Variants in CSMD2 observed in about 807,000 individuals in gnomAD.
CSMD2 encodes CUB and Sushi multiple domains 2.
Under a neutral mutation model 398.5 loss-of-function variants are expected in CSMD2, and 130 were observed. The observed-to-expected ratio is 0.33, with a 90% CI of 0.28 to 0.38. The LOEUF is 0.38. Ranked by LOEUF, CSMD2 falls within the 10% of genes least tolerant of loss-of-function variation. CSMD2 has a pLI of 1.00. For missense variants in CSMD2, 3,829 were observed against 4,764.9 expected, an observed-to-expected ratio of 0.80 and a Z score of 5.78; for synonymous variants, 1,828 against 1,908.5, an observed-to-expected ratio of 0.96 and a Z score of 1.10.
In CSMD2 at chr1:33,592,529, C is replaced by T. The variant is rs1263548131; in HGVS notation, c.6857-5361G>A. ...AAGAGAACATTATGAGTGGCACAGG[C>T]ACCACAAAGTGATTGGAATGTGTAG... On this transcript the variant is annotated intron_variant, in intron 44 of 70. Transcript: ENST00000373381. 7 of 717,000 alleles carry T rather than the reference C, an allele frequency of 9.8e-6. No homozygotes were observed. In the East Asian group the frequency reaches 1.6e-4, roughly 16 times the overall value. 44.4% of individuals were successfully genotyped at this position (717,000 alleles called of 1,614,324 possible).
At chr1:34,055,482 C>T (rs1469728986) in intron 2 of CSMD2, among the ~76,000 whole-genome samples, 4 of 152,200 alleles carry the variant, frequency 2.6e-5, no homozygotes, top group African/African-American at 7.2e-5. Flanking sequence ...TTCTGACCAA[C>T]TGGCTGTAAA....
At chr1:33,655,132 G>A (rs779972774) in intron 27 of CSMD2, among the ~76,000 whole-genome samples, 1 of 152,242 alleles carries the variant, frequency 6.6e-6, no homozygotes. Context: ...CCAGATGGGA[G>A]TGGGTGCAAG....
intron 3 of CSMD2, among the ~76,000 whole-genome samples, chr1:33,962,590 A>G (rs1645402612): frequency 6.6e-6 from 1 of 152,146 alleles, no homozygotes; most frequent in Non-Finnish European, 1.5e-5. Flanking sequence ...AGGAAATGCC[A>G]GGTCCTTCCA....
rs143156287 is a variant in CSMD2 at position 33,697,144 on chromosome 1, C to A, written c.3925+1609G>T. ...ATATTTGATATTCAAAGTAATCTTA[C>A]AGTGAATCTTTTCTGCAAAGCAAAT... On this transcript the variant is annotated intron_variant, in intron 24 of 70. Transcript: ENST00000373381. Among the ~76,000 whole-genome samples the A allele has an allele frequency of 1.6e-3, 248 of 152,286 alleles. 1 individual carries two copies. Among genetic ancestry groups the A allele is most frequent in the African/African-American group, 5.7e-3 (237 of 41,560 alleles).
In CSMD2 at chr1:33,729,917, T is replaced by C. The variant is rs1015490186; in HGVS notation, c.2369-3232A>G. On this transcript the variant is annotated intron_variant, in intron 15 of 70. Coordinates refer to ENST00000373381, the MANE Select transcript of CSMD2 (RefSeq NM_001281956.2). ...TTGGTAATATCCAACAAAATGCATA[T>C]GCATTTACTCTCTGACCCAGCAATT... is the stretch of plus-strand genomic sequence containing the variant. 5.3e-5 allele frequency among the ~76,000 whole-genome samples: 8 copies of C among 152,146 alleles called. No individual in the cohort carries two copies. The East Asian group carries it at 1.3e-3, about 26-fold the overall frequency.
chr1:34,114,646 T>C (rs1661432259), intron 1 of CSMD2, among the ~76,000 whole-genome samples: 2 of 152,070 alleles, frequency 1.3e-5, no homozygotes, highest in African/African-American at 4.8e-5. Flanking sequence ...TACAATGAGC[T>C]ATTATCACAC....
chr1:33,877,408 T>A (rs1203523548), intron 5 of CSMD2, among the ~76,000 whole-genome samples: 1 of 152,186 alleles, frequency 6.6e-6, no homozygotes, highest in Non-Finnish European at 1.5e-5. Flanking sequence ...GATGAGGGCC[T>A]GGAACTCACA....
intron 5 of CSMD2, among the ~76,000 whole-genome samples, chr1:33,917,812 T>G (rs900229842): frequency 6.6e-6 from 1 of 152,206 alleles, no homozygotes; most frequent in Admixed American, 6.5e-5. Context: ...GACCAGAACA[T>G]TTTTAGTCTT....
At position 33,847,952 on chromosome 1, in the gene CSMD2, T is replaced by C. The variant is rs1034472004; in HGVS notation, c.921-956A>G. On this transcript the variant is annotated intron_variant, in intron 5 of 70. Coordinates refer to ENST00000373381, the MANE Select transcript of CSMD2 (RefSeq NM_001281956.2). ...CTGCTGTTCCATTCTTCATCTTGAT[T>C]TCCAGCTTCTAACACCATACTGGAC... Among the ~76,000 whole-genome samples the C allele has an allele frequency of 2.0e-5, 3 of 152,314 alleles. No homozygotes were observed. In the East Asian group the frequency reaches 5.8e-4, roughly 29 times the overall value.
chr1:33,776,036 C>G lies in CSMD2; in HGVS notation c.1664-3285G>C, dbSNP rs563533225. On this transcript the variant is annotated intron_variant, in intron 12 of 70. Transcript: ENST00000373381. ...TTGTGTGTACTGATGGGGCCAATAC[C>G]AAACAGGAGAAGAGAAGGTGATATC... Among the ~76,000 whole-genome samples, 108 of 152,258 alleles carry G rather than the reference C, an allele frequency of 7.1e-4. 3 individuals carry two copies. The highest frequency in any genetic ancestry group is 6.1e-3 in the Admixed American group (93 of 15,292).
chr1:33,594,380 C>T (rs747395205), intron 44 of CSMD2, among the ~76,000 whole-genome samples: 13 of 152,266 alleles, frequency 8.5e-5, no homozygotes, highest in Non-Finnish European at 1.8e-4. Context: ...TGTAATCTAA[C>T]GTCAAAAATT....
At chr1:34,117,372 T>A (rs981396739) in intron 1 of CSMD2, among the ~76,000 whole-genome samples, 2 of 152,054 alleles carry the variant, frequency 1.3e-5, no homozygotes, top group South Asian at 4.1e-4. Context: ...AATTGATACA[T>A]TTCTAGAAAC....
intron 3 of CSMD2, among the ~76,000 whole-genome samples, chr1:33,936,329 CCT>C (rs1329938943): frequency 6.6e-6 from 1 of 152,240 alleles, no homozygotes; most frequent in East Asian, 1.9e-4. Flanking sequence ...ACTCCACACT[CCT>C]CACTAAATAC....
Position 33,525,057 on chromosome 1 carries a change from G to C in CSMD2, c.10235-14C>G, listed in dbSNP as rs759708482. The C allele has an allele frequency of 1.2e-5, 20 of 1,613,864 alleles. No individual in the cohort carries two copies. Among genetic ancestry groups the C allele is most frequent in the Non-Finnish European group, 1.7e-5 (20 of 1,179,854 alleles). On this transcript the variant is annotated splice_polypyrimidine_tract_variant and intron_variant, in intron 65 of 70. Transcript: ENST00000373381. ...CATCCCCAGGAACTAGAGGAATTGA[G>C]AAATAGATGTGAGAGGGACTTTGTG...
At chr1:33,850,669 G>A (rs1406570753) in intron 5 of CSMD2, among the ~76,000 whole-genome samples, 2 of 152,054 alleles carry the variant, frequency 1.3e-5, no homozygotes, top group African/African-American at 4.8e-5. Flanking sequence ...ACTTCACTAC[G>A]GGGGGCTTGG....
chr1:33,550,679 C>T (rs292812), intron 55 of CSMD2, among the ~76,000 whole-genome samples: 2,091 of 152,256 alleles, frequency 0.014, 45 homozygotes, highest in African/African-American at 0.047. Context: ...GAAGGTGGTA[C>T]GCAGAGTATA....
At chr1:34,028,902 C>T (rs115104748) in intron 3 of CSMD2, among the ~76,000 whole-genome samples, 6,010 of 152,254 alleles carry the variant, frequency 0.039, 403 homozygotes, top group African/African-American at 0.14. Context: ...TTCCTTGCGG[C>T]GGCAGCAGCC....
rs1163893201 is a variant in CSMD2 at position 33,518,847 on chromosome 1, T to G, written c.*53+618A>C. The stretch of plus-strand genomic sequence containing the variant: ...ATATTTATTTATATTTCTATCTCTA[T>G]ATAACATTTACATATAGCTCTACGG... On this transcript the variant is annotated intron_variant, in intron 70 of 70. Coordinates refer to ENST00000373381, the MANE Select transcript of CSMD2 (RefSeq NM_001281956.2). The surrounding 1 kb of genome is among the most constrained non-coding windows in gnomAD (Gnocchi z 4.3). Among the ~76,000 whole-genome samples, 5 of 152,182 alleles carry G rather than the reference T, an allele frequency of 3.3e-5. No individual in the cohort carries two copies. Among genetic ancestry groups the G allele is most frequent in the Admixed American group, 2.6e-4 (4 of 15,278 alleles).
intron 64 of CSMD2, among the ~76,000 whole-genome samples, chr1:33,531,289 TGA>T (rs1655210142): frequency 6.6e-6 from 1 of 152,056 alleles, no homozygotes; most frequent in Non-Finnish European, 1.5e-5. Context: ...AACACCACAA[TGA>T]GATACCACTT....
Sources: allele counts gnomAD v4.1 joint callset (sites outside exome capture counted in the v4.1 genomes callset), GRCh38; gene constraint gnomAD v4.1.1; non-coding constraint Gnocchi (gnomAD v3.1); transcripts MANE v1.5; gene names NCBI Gene and HGNC (gene_info 2026-07-23, HGNC 2026-07-21).